PCDHA9: variants seen among roughly 807,000 people sequenced by gnomAD.
PCDHA9 encodes the protein protocadherin alpha 9, also known as protocadherin alpha-9.
A neutral mutation model predicts 62.0 loss-of-function variants in PCDHA9; 62 were observed. That is an observed-to-expected ratio of 1.00 (90% CI 0.81 to 1.23). The LOEUF is 1.23. Among genes scored for constraint, PCDHA9 ranks in the 50% most tolerant of loss-of-function variants. The probability of loss-of-function intolerance (pLI) is 0.00; values close to 1 mark genes in which losing one functional copy is unlikely to be tolerated. For synonymous variants in PCDHA9, 557 were observed against 567.6 expected (o/e 0.98, Z 0.27); for missense variants, 1,205 against 1,249.8 (o/e 0.96, Z 0.54).
At chr5:140,961,205 T>C (rs1215243152) in intron 1 of PCDHA9, among the ~76,000 whole-genome samples, 2 of 152,172 alleles carry the variant, frequency 1.3e-5, no homozygotes, top group Non-Finnish European at 2.9e-5. Context: ...GAGGTTGGTA[T>C]TGATGAAGAA....
intron 3 of PCDHA9, among the ~76,000 whole-genome samples, chr5:140,998,072 C>T (rs1554256158): frequency 6.6e-6 from 1 of 152,168 alleles, no homozygotes; most frequent in African/African-American, 2.4e-5. Context: ...CAGACTTAGC[C>T]TCTGCAGTTG....
intron 1 of PCDHA9, chr5:140,869,970 A>G: frequency 3.7e-6 from 6 of 1,613,166 alleles, no homozygotes; most frequent in Non-Finnish European, 5.1e-6. Context: ...CCAATGGAAG[A>G]CACTTATTTA....
intron 1 of PCDHA9, among the ~76,000 whole-genome samples, chr5:140,943,778 G>A (rs1554215923): frequency 6.6e-6 from 1 of 152,242 alleles, no homozygotes; most frequent in African/African-American, 2.4e-5. Flanking sequence ...AAACTAGGAA[G>A]TGGTCCTTTA....
At chr5:140,947,362 C>T (rs1378703066) in intron 1 of PCDHA9, among the ~76,000 whole-genome samples, 2 of 151,632 alleles carry the variant, frequency 1.3e-5, no homozygotes, top group Admixed American at 6.6e-5. Context: ...TATTTCACTC[C>T]TTTGATCTAT....
At chr5:140,968,592 C>G (rs1554230905) in intron 1 of PCDHA9, 1 of 1,614,208 alleles carries the variant, frequency 6.2e-7, no homozygotes, top group African/African-American at 1.3e-5. Flanking sequence ...AAAGTCATAG[C>G]TATGGACTCA....
intron 1 of PCDHA9, among the ~76,000 whole-genome samples, chr5:140,978,099 C>T (rs547323907): frequency 1.1e-4 from 17 of 152,292 alleles, no homozygotes; most frequent in African/African-American, 3.6e-4. Flanking sequence ...ACATAACTCC[C>T]CCAACAGTCT....
At chr5:140,889,705 CA>C (rs1440108575) in intron 1 of PCDHA9, among the ~76,000 whole-genome samples, 2 of 152,132 alleles carry the variant, frequency 1.3e-5, no homozygotes, top group Non-Finnish European at 1.5e-5. Flanking sequence ...GCATATTCCA[CA>C]AGTTCTTTGC....
intron 1 of PCDHA9, among the ~76,000 whole-genome samples, chr5:140,881,035 C>T (rs563210273): frequency 6.6e-6 from 1 of 152,186 alleles, no homozygotes; most frequent in African/African-American, 2.4e-5. Context: ...CAGTCATTTC[C>T]TATAGAGTTG....
intron 3 of PCDHA9, among the ~76,000 whole-genome samples, chr5:140,998,568 A>AG (rs1167593072): frequency 3.1e-5 from 3 of 96,370 alleles, no homozygotes; most frequent in African/African-American, 1.3e-4. Context: ...ATTGTAAATA[A>AG]GTTTTTTTTT....
chr5:140,849,263 T>C lies in PCDHA9; in HGVS notation c.768T>C (p.Ser256=). The C allele has an allele frequency of 2.7e-6, 3 of 1,126,864 alleles. No individual in the cohort carries two copies. Among genetic ancestry groups the C allele is most frequent in the African/African-American group, 1.9e-5 (1 of 52,048 alleles). 69.8% of individuals were successfully genotyped at this position (1,126,864 alleles called of 1,614,324 possible). Residue 256 remains serine (S), a synonymous_variant, in exon 1 of 4, where the codon TCT becomes TCC. Coordinates refer to ENST00000532602, the MANE Select transcript of PCDHA9 (RefSeq NM_031857.2). ...LYTVKLPENV[S]IGTLVIHPNA... The stretch of plus-strand genomic sequence containing the variant: ...CGGTGAAATTACCAGAAAACGTTTC[T>C]ATCGGAACGCTGGTGATTCACCCCA...
At chr5:140,872,550 C>T (rs1319043831) in intron 1 of PCDHA9, among the ~76,000 whole-genome samples, 1 of 152,046 alleles carries the variant, frequency 6.6e-6, no homozygotes, top group African/African-American at 2.4e-5. Context: ...TCCCCTGAAC[C>T]CAGGGGTTCA....
intron 1 of PCDHA9, chr5:140,927,490 C>T: frequency 3.1e-6 from 5 of 1,614,132 alleles, no homozygotes; most frequent in Non-Finnish European, 4.2e-6. Context: ...CGCCACCCAC[C>T]TGCTGGTGCT....
intron 1 of PCDHA9, among the ~76,000 whole-genome samples, chr5:140,902,752 C>A (rs782602670): frequency 2.0e-5 from 3 of 148,884 alleles, no homozygotes; most frequent in African/African-American, 7.3e-5. Flanking sequence ...TCCATTATAT[C>A]ATTCTTATGT....
At chr5:140,989,321 C>T (rs898791820) in intron 3 of PCDHA9, among the ~76,000 whole-genome samples, 2 of 152,296 alleles carry the variant, frequency 1.3e-5, no homozygotes, top group Non-Finnish European at 1.5e-5. Context: ...GTCTCACCAA[C>T]TTTGCCACCT....
At chr5:140,984,588 T>C (rs1338170509) in intron 3 of PCDHA9, among the ~76,000 whole-genome samples, 1 of 152,170 alleles carries the variant, frequency 6.6e-6, no homozygotes, top group Non-Finnish European at 1.5e-5. Flanking sequence ...AATCATACTT[T>C]TCAATACATA....
intron 3 of PCDHA9, among the ~76,000 whole-genome samples, chr5:141,006,862 A>G (rs1188678069): frequency 4.6e-5 from 7 of 152,244 alleles, no homozygotes; most frequent in Non-Finnish European, 1.0e-4. Flanking sequence ...TTAGAAAGGA[A>G]TAGATTCGAG....
At chr5:140,975,511 A>T (rs1236558069) in intron 1 of PCDHA9, among the ~76,000 whole-genome samples, 2 of 152,212 alleles carry the variant, frequency 1.3e-5, no homozygotes, top group African/African-American at 4.8e-5. Flanking sequence ...CACTATGCAA[A>T]ATCTGCAGTG....
Position 140,850,705 on chromosome 5 carries a change from C to T in PCDHA9, c.2210C>T (p.Pro737Leu). 1 of 1,597,920 alleles carries T rather than the reference C, an allele frequency of 6.3e-7. No individual in the cohort carries two copies. The highest frequency in any genetic ancestry group is 1.1e-5 in the South Asian group (1 of 90,492). ...PTEGECAPGK[P>L]TLVCSSAVGS... ...GAGGGCGAGTGCGCGCCTGGCAAGC[C>T]GACGCTGGTGTGTTCTAGCGCGGTG... Residue 737 changes from proline (P) to leucine (L), a missense_variant, in exon 1 of 4, where the codon CCG (proline) becomes CTG (leucine). By Grantham distance (98) the Pro-to-Leu change is moderately conservative. Transcript: ENST00000532602.
intron 1 of PCDHA9, chr5:140,876,047 C>T (rs1305657261): frequency 5.0e-6 from 8 of 1,613,744 alleles, no homozygotes; most frequent in Non-Finnish European, 6.8e-6. Context: ...AGTATATTGC[C>T]TGAATTAGTT....
Sources: allele counts gnomAD v4.1 joint callset (sites outside exome capture counted in the v4.1 genomes callset), GRCh38; gene constraint gnomAD v4.1.1; transcripts MANE v1.5; gene names NCBI Gene and HGNC (gene_info 2026-07-23, HGNC 2026-07-21).